The following VAV1 variants were observed in gnomAD, a reference collection of about 807,000 sequenced individuals.
The protein encoded by VAV1 is proto-oncogene vav.
VAV1 carries 33 observed loss-of-function variants against 128.1 expected under a neutral mutation model. The ratio of observed to expected loss-of-function variants is 0.26; its 90% CI spans 0.20 to 0.34. VAV1 has a LOEUF of 0.34. Among genes scored for constraint, VAV1 ranks in the 10% least tolerant of loss-of-function variants. VAV1 has a pLI of 1.00. For synonymous variants in VAV1, 394 were observed against 409.8 expected, an observed-to-expected ratio of 0.96 and a Z score of 0.47; for missense variants, 715 against 1,093.7, an observed-to-expected ratio of 0.65 and a Z score of 4.88.
intron 1 of VAV1, among the ~76,000 whole-genome samples, chr19:6,808,822 G>T (rs1016448166): frequency 2.6e-5 from 4 of 152,152 alleles, no homozygotes; most frequent in Admixed American, 2.0e-4. Context: ...CTAATAACTT[G>T]GCTGGGGTAG....
intron 21 of VAV1, among the ~76,000 whole-genome samples, chr19:6,839,059 C>A (rs540482262): frequency 6.6e-6 from 1 of 152,176 alleles, no homozygotes; most frequent in Admixed American, 6.5e-5. Context: ...CCTGCCACCA[C>A]ATCTGGCTAA....
rs1298528033 is a variant in VAV1, at chr19:6,822,526, C to A, written c.654+12C>A. On this transcript the variant is annotated intron_variant, in intron 6 of 26. Coordinates refer to ENST00000602142, the MANE Select transcript of VAV1 (RefSeq NM_005428.4). This position sits in a 1 kb window ranked among gnomAD's most constrained non-coding sequence, Gnocchi z 5.9. ...GCTCCATCCAGCAGGTGGGCGCCTCCCACCCAGCGCCTGCCGGGCGCATGC... is the reference window on the plus strand; with the variant it reads ...GCTCCATCCAGCAGGTGGGCGCCTCACACCCAGCGCCTGCCGGGCGCATGC... 4 of 1,543,908 alleles carry A rather than the reference C, an allele frequency of 2.6e-6. No individual in the cohort carries two copies. The South Asian group carries it at 4.8e-5, about 18-fold the overall frequency.
chr19:6,835,325 T>G (rs1024225753), intron 19 of VAV1, among the ~76,000 whole-genome samples: 5 of 152,118 alleles, frequency 3.3e-5, no homozygotes, highest in African/African-American at 9.7e-5. Flanking sequence ...ACTTAATACA[T>G]TTTTATCCAT....
chr19:6,852,926 C>A, intron 24 of VAV1, 39 bp from the exon 25 acceptor site: 1 of 1,566,510 alleles, frequency 6.4e-7, no homozygotes. Flanking sequence ...TATGGGCTGG[C>A]CCGCTGGGAT....
intron 22 of VAV1, 35 bp downstream of exon 22, chr19:6,843,201 G>C (rs749701288): frequency 6.2e-7 from 1 of 1,613,676 alleles, no homozygotes; most frequent in Non-Finnish European, 8.5e-7. Context: ...TTCAATGAGA[G>C]GTTTCTGGGT....
chr19:6,823,881 T>C (rs1207641343), intron 6 of VAV1, among the ~76,000 whole-genome samples: 1 of 152,304 alleles, frequency 6.6e-6, no homozygotes, highest in East Asian at 1.9e-4. Context: ...TCATCATCAC[T>C]GTCTAATTTT....
chr19:6,848,399 TTTTTC>T (rs968544985), intron 23 of VAV1, among the ~76,000 whole-genome samples: 7 of 148,646 alleles, frequency 4.7e-5, no homozygotes, highest in Admixed American at 2.0e-4. Flanking sequence ...TTTTCCCCTT[TTTTTC>T]TTTTCTTTTC....
intron 1 of VAV1, among the ~76,000 whole-genome samples, chr19:6,786,327 T>A (rs1343980062): frequency 6.6e-6 from 1 of 152,162 alleles, no homozygotes; most frequent in Non-Finnish European, 1.5e-5. Context: ...AAAATTATCT[T>A]AGCTTGTATC....
chr19:6,822,665 C>T lies in VAV1; in HGVS notation c.654+151C>T. ...TGACTGTCTCCGTCTCTGAGTTTCTCTGACTTACATATGTATATATAAATA... is the reference window on the plus strand; with the variant it reads ...TGACTGTCTCCGTCTCTGAGTTTCTTTGACTTACATATGTATATATAAATA... On this transcript the variant is annotated intron_variant, in intron 6 of 26. Coordinates refer to ENST00000602142, the MANE Select transcript of VAV1 (RefSeq NM_005428.4). This position sits in a 1 kb window ranked among gnomAD's most constrained non-coding sequence, Gnocchi z 5.9. 1 of 606,128 alleles carries T rather than the reference C, an allele frequency of 1.6e-6. No individual in the cohort carries two copies. Among genetic ancestry groups the T allele is most frequent in the Non-Finnish European group, 2.8e-6 (1 of 352,418 alleles). The allele number at this position is 606,128 out of a possible 1,614,324, so 37.5% of individuals were successfully genotyped here. A position where few individuals can be genotyped will look rare whatever the true frequency, so the allele number is the denominator to read the frequency against.
chr19:6,825,292 C>A lies in VAV1; in HGVS notation c.724-11C>A. ...GCTCTGGTCCCAGCCCTCACCCTTC[C>A]CTCCGAGTAGGACCTGCTTCGTGTT... On this transcript the variant is annotated splice_polypyrimidine_tract_variant and intron_variant, in intron 7 of 26. Coordinates refer to ENST00000602142, the MANE Select transcript of VAV1 (RefSeq NM_005428.4). 6.2e-7 allele frequency: 1 copy of A among 1,609,038 alleles called. No individual in the cohort carries two copies. The highest frequency in any genetic ancestry group is 8.5e-7 in the Non-Finnish European group (1 of 1,177,014).
chr19:6,818,361 A>G (rs995103077), intron 1 of VAV1, among the ~76,000 whole-genome samples: 34 of 152,326 alleles, frequency 2.2e-4, no homozygotes, highest in African/African-American at 7.5e-4. Context: ...CTTAAACAGC[A>G]GAAATTTATC....
At chr19:6,798,666 C>G (rs944654963) in intron 1 of VAV1, among the ~76,000 whole-genome samples, 4 of 151,472 alleles carry the variant, frequency 2.6e-5, no homozygotes, top group East Asian at 1.9e-4. Flanking sequence ...CCTTCCCCCC[C>G]CCACCCAAAA....
intron 1 of VAV1, among the ~76,000 whole-genome samples, chr19:6,803,243 T>C (rs1024647231): frequency 6.6e-6 from 1 of 152,174 alleles, no homozygotes; most frequent in African/African-American, 2.4e-5. Context: ...CCCGGAGTAA[T>C]CAGGGTTGCA....
At chr19:6,786,861 T>C (rs1380459675) in intron 1 of VAV1, among the ~76,000 whole-genome samples, 2 of 152,158 alleles carry the variant, frequency 1.3e-5, no homozygotes, top group African/African-American at 4.8e-5. Context: ...ACTATTTTTA[T>C]ATTTTATTAT....
intron 19 of VAV1, among the ~76,000 whole-genome samples, chr19:6,834,312 T>C (rs1281629579): frequency 6.6e-6 from 1 of 151,482 alleles, no homozygotes; most frequent in Non-Finnish European, 1.5e-5. Context: ...GGTGTGATCT[T>C]GGCTCACTAC....
intron 1 of VAV1, among the ~76,000 whole-genome samples, chr19:6,793,035 A>G (rs1971050385): frequency 6.6e-6 from 1 of 152,086 alleles, no homozygotes; most frequent in Non-Finnish European, 1.5e-5. Context: ...AAATGCTTCA[A>G]GAAAGGACCA....
At chr19:6,797,318 G>A (rs10416142) in intron 1 of VAV1, among the ~76,000 whole-genome samples, 10,315 of 151,696 alleles carry the variant, frequency 0.068, 1,168 homozygotes, top group African/African-American at 0.24. Context: ...TTTGCTTGGA[G>A]CCTTTTTACC....
intron 1 of VAV1, among the ~76,000 whole-genome samples, chr19:6,798,695 G>A (rs1217007731): frequency 4.1e-5 from 6 of 146,962 alleles, no homozygotes; most frequent in Non-Finnish European, 7.4e-5. Context: ...AAAAAAGAAA[G>A]AATCAGGGTC....
chr19:6,856,247 A>C (rs1568322346), intron 26 of VAV1, among the ~76,000 whole-genome samples: 1 of 151,944 alleles, frequency 6.6e-6, no homozygotes, highest in Non-Finnish European at 1.5e-5. Flanking sequence ...TGGTGAGCTG[A>C]GATCGCGCCA....
Sources: gnomAD v4.1 joint callset for allele counts (sites outside exome capture counted in the v4.1 genomes callset) on GRCh38, gnomAD v4.1.1 for gene constraint, Gnocchi (gnomAD v3.1) non-coding constraint, MANE v1.5 for transcripts, NCBI Gene and HGNC (gene_info 2026-07-23, HGNC 2026-07-21) for gene names.